Variants in IL9R observed in about 807,000 individuals in gnomAD.
IL9R encodes the protein interleukin-9 receptor.
A neutral mutation model predicts 56.3 loss-of-function variants in IL9R; 54 were observed. That is an observed-to-expected ratio of 0.96 (90% CI 0.77 to 1.20). The LOEUF is 1.20. IL9R is among the 50% of genes most tolerant of loss of function. The pLI, the probability that IL9R is intolerant of heterozygous loss-of-function variation, is 0.00. For missense variants in IL9R, 545 were observed against 629.8 expected (o/e 0.87, Z 1.44); for synonymous variants, 212 against 250.2 (o/e 0.85, Z 1.44).
intron 1 of IL9R, among the ~76,000 whole-genome samples, chrX:156,001,819 TCTAGCCAACCTCTGGCTCCCCTAGGGATC>T (rs1409317436): frequency 1.3e-5 from 2 of 152,094 alleles, no homozygotes; most frequent in East Asian, 3.8e-4. Flanking sequence ...GCCCCTCATC[TCTAGCCAACCTCTGGCTCCCCTAGGGATC>T]CTGGGGCTCA....
At chrX:156,008,361 C>A (rs2068133351) in intron 8 of IL9R, among the ~76,000 whole-genome samples, 1 of 151,594 alleles carries the variant, frequency 6.6e-6, no homozygotes, top group African/African-American at 2.4e-5. Flanking sequence ...CCCCTTCACA[C>A]TGTGGCTCCA....
chrX:156,002,733 G>A, intron 1 of IL9R, 173 bp from the exon 2 acceptor site: 1 of 905,222 alleles, frequency 1.1e-6, no homozygotes, highest in South Asian at 1.5e-5. Flanking sequence ...TTCCTTATCA[G>A]TAAAGCCTGG....
chrX:156,009,252 CTGTG>C (rs1262813249), intron 8 of IL9R, among the ~76,000 whole-genome samples: 54 of 69,532 alleles, frequency 7.8e-4, no homozygotes, highest in East Asian at 2.3e-3. Context: ...GTGTGTGTGT[CTGTG>C]TGTGTGTGTT....
At chrX:156,003,912 T>C (rs1215992525) in intron 4 of IL9R, 57 bp downstream of exon 4, 13 of 1,577,996 alleles carry the variant, frequency 8.2e-6, no homozygotes, top group Non-Finnish European at 1.1e-5. Flanking sequence ...TCCTGGCTGC[T>C]TGGGGGTTTG....
intron 8 of IL9R, among the ~76,000 whole-genome samples, chrX:156,008,977 G>C (rs1303493810): frequency 1.7e-5 from 2 of 114,756 alleles, no homozygotes; most frequent in African/African-American, 5.2e-5. Context: ...GTGTGTGTCT[G>C]TGTGTGTTTA....
Position 156,003,759 on chromosome X carries a change from G to GACAAT in IL9R, c.337_338insACAAT (p.Val113AspfsTer54). On this transcript the variant is annotated frameshift_variant, in exon 4 of 9. Coordinates refer to ENST00000244174, the MANE Select transcript of IL9R (RefSeq NM_002186.3). LOFTEE classifies it high-confidence loss of function. ...CGTGCTGCCACCTGAGGCAGTGCTCGTGCCATCTGACAATTTCACCATCAC... is the reference window on the plus strand; with the variant it reads ...CGTGCTGCCACCTGAGGCAGTGCTCGACAATTGCCATCTGACAATTTCACCATCAC... 6.2e-7 allele frequency: 1 copy of GACAAT among 1,613,986 alleles called. No homozygotes were observed. The highest frequency in any genetic ancestry group is 8.5e-7 in the Non-Finnish European group (1 of 1,179,860).
At chrX:156,002,509 T>C (rs938083518) in intron 1 of IL9R, among the ~76,000 whole-genome samples, 1 of 152,196 alleles carries the variant, frequency 6.6e-6, no homozygotes, top group African/African-American at 2.4e-5. Context: ...TTGTTGGTAG[T>C]GACCAGTTCC....
Position 156,001,499 on chromosome X carries a change from C to G in IL9R, c.29-1407C>G, listed in dbSNP as rs781255196. On this transcript the variant is annotated intron_variant, in intron 1 of 8. Transcript: ENST00000244174. ...GTGGTTCCAGGCTGCACGCTCCATTCTAGGAAAGGGTGAGGCTTCCTGATC... is the reference window on the plus strand; with the variant it reads ...GTGGTTCCAGGCTGCACGCTCCATTGTAGGAAAGGGTGAGGCTTCCTGATC... 3.7e-6 allele frequency: 6 copies of G among 1,605,418 alleles called. No homozygotes were observed. In the South Asian group the frequency reaches 6.6e-5, roughly 18 times the overall value.
At chrX:155,997,920 C>T in intron 1 of IL9R, 133 bp downstream of exon 1, 1 of 834,986 alleles carries the variant, frequency 1.2e-6, no homozygotes, top group East Asian at 2.4e-5. Flanking sequence ...CTAGCTTTAC[C>T]TCCTCTGGTG....
chrX:156,008,975 CTGTG>C (rs1169853048), intron 8 of IL9R, among the ~76,000 whole-genome samples: 35 of 113,134 alleles, frequency 3.1e-4, no homozygotes, highest in African/African-American at 1.3e-3. Context: ...GTGTGTGTGT[CTGTG>C]TGTGTTTAAG....
intron 3 of IL9R, 38 bp from the exon 4 acceptor site, chrX:156,003,639 T>C (rs373329568): frequency 1.2e-6 from 2 of 1,612,244 alleles, no homozygotes; most frequent in Non-Finnish European, 1.7e-6. Context: ...GCCAGGACAG[T>C]GTAGCAGCCC....
intron 4 of IL9R, 136 bp downstream of exon 4, chrX:156,003,991 C>G (rs906212844): frequency 4.7e-5 from 45 of 956,218 alleles, no homozygotes; most frequent in Non-Finnish European, 6.2e-5. Context: ...AGATCCAGGG[C>G]TGGGGGCAGG....
Position 156,006,159 on chromosome X carries a change from G to A in IL9R, c.858G>A (p.Pro286=), listed in dbSNP as rs371627959. Reference sequence around the variant, plus strand: ...CCATCTTTCTCCTGCTGACTGGCCCGACCTACCTCCTGTTCAAGCTGTCGC... The same window carrying A: ...CCATCTTTCTCCTGCTGACTGGCCCAACCTACCTCCTGTTCAAGCTGTCGC... ...AVSIFLLLTG[P]TYLLFKLSPR... Residue 286 remains proline (P), a synonymous_variant, in exon 7 of 9, where the codon CCG becomes CCA. Transcript: ENST00000244174. 5.4e-5 allele frequency: 79 copies of A among 1,461,944 alleles called. No individual in the cohort carries two copies. Among genetic ancestry groups the A allele is most frequent in the African/African-American group, 4.7e-4 (34 of 71,596 alleles). 90.6% of individuals were successfully genotyped at this position (1,461,944 alleles called of 1,614,324 possible).
chrX:156,002,492 A>T (rs2067600785), intron 1 of IL9R, among the ~76,000 whole-genome samples: 1 of 152,096 alleles, frequency 6.6e-6, no homozygotes, highest in Non-Finnish European at 1.5e-5. Flanking sequence ...AAATGTACCT[A>T]TGGTGGTTGT....
At chrX:156,002,771 G>A (rs2067618639) in intron 1 of IL9R, 135 bp from the exon 2 acceptor site, 1 of 1,267,238 alleles carries the variant, frequency 7.9e-7, no homozygotes, top group Non-Finnish European at 1.1e-6. Flanking sequence ...TGGACACTGT[G>A]TGAGTGTTAG....
In IL9R at chrX:156,001,382, T is replaced by C. The variant is rs773991768; in HGVS notation, c.29-1524T>C. ...TCACATATCCCAAGAGCAGGCTGACTGCCTTCCCCATTCCCACCTTTCCAG... is the reference window on the plus strand; with the variant it reads ...TCACATATCCCAAGAGCAGGCTGACCGCCTTCCCCATTCCCACCTTTCCAG... On this transcript the variant is annotated intron_variant, in intron 1 of 8. Transcript: ENST00000244174. 8 of 1,482,996 alleles carry C rather than the reference T, an allele frequency of 5.4e-6. No individual in the cohort carries two copies. In the Admixed American group the frequency reaches 8.4e-5, roughly 15 times the overall value. The allele number at this position is 1,482,996 out of a possible 1,614,324, so 91.9% of individuals were successfully genotyped here.
rs375060226 is a variant in IL9R, at chrX:156,007,484, G to A, written c.888-39G>A. 6.7e-4 allele frequency: 605 copies of A among 909,474 alleles called. 2 individuals carry two copies. In the African/African-American group the frequency reaches 8.8e-3, roughly 13 times the overall value. 56.3% of individuals were successfully genotyped at this position (909,474 alleles called of 1,614,324 possible). A position where few individuals can be genotyped will look rare whatever the true frequency, so the allele number is the denominator to read the frequency against. ...CTCTGCAGTGACCTCAGGCCACCTG[G>A]GTCGCCATAGGCCTCTGACTGGCCT... is the stretch of plus-strand genomic sequence containing the variant. On this transcript the variant is annotated intron_variant, in intron 7 of 8. Transcript: ENST00000244174.
intron 1 of IL9R, chrX:156,001,358 C>A: frequency 8.0e-7 from 1 of 1,247,654 alleles, no homozygotes; most frequent in Non-Finnish European, 1.2e-6. Flanking sequence ...ACCCTGCCCT[C>A]ACATATCCCA....
Position 156,009,801 on chromosome X carries a change from C to T in IL9R, c.973-15C>T, listed in dbSNP as rs752832425. The T allele has an allele frequency of 1.4e-5, 18 of 1,253,502 alleles. 3 individuals are homozygous for T. Among genetic ancestry groups the T allele is most frequent in the African/African-American group, 1.1e-4 (5 of 44,774 alleles). The allele number at this position is 1,253,502 out of a possible 1,614,324, so 77.6% of individuals were successfully genotyped here. ...TGCTACCTGAGCCCTTCCCTCCTCC[C>T]GTGCTCTGTTCCAGACTTGGATGGG... is the stretch of plus-strand genomic sequence containing the variant. On this transcript the variant is annotated splice_polypyrimidine_tract_variant and intron_variant, in intron 8 of 8. Coordinates refer to ENST00000244174, the MANE Select transcript of IL9R (RefSeq NM_002186.3).
Sources: allele counts gnomAD v4.1 joint callset (sites outside exome capture counted in the v4.1 genomes callset), GRCh38; gene constraint gnomAD v4.1.1; transcripts MANE v1.5; gene names NCBI Gene and HGNC (gene_info 2026-07-23, HGNC 2026-07-21).